PDGFD: variants seen among roughly 807,000 people sequenced by gnomAD.
The protein encoded by PDGFD is platelet derived growth factor D.
PDGFD carries 30 observed loss-of-function variants against 44.7 expected under a neutral mutation model. The ratio of observed to expected loss-of-function variants is 0.67; its 90% CI spans 0.50 to 0.91. The LOEUF (loss-of-function observed/expected upper bound fraction) is 0.91. Ranked by LOEUF, PDGFD falls within the 40% of genes least tolerant of loss-of-function variation. The pLI is 0.00. For synonymous variants in PDGFD, 173 were observed against 168.4 expected (o/e 1.03, Z -0.21); for missense variants, 445 against 457.8 (o/e 0.97, Z 0.25).
chr11:103,986,854 G>A (rs988447203), intron 3 of PDGFD, among the ~76,000 whole-genome samples: 1 of 152,110 alleles, frequency 6.6e-6, no homozygotes, highest in Admixed American at 6.6e-5. Flanking sequence ...ATTGCTCCTC[G>A]GGATAACATC....
chr11:103,982,032 C>T (rs1859279625), intron 3 of PDGFD, among the ~76,000 whole-genome samples: 1 of 151,720 alleles, frequency 6.6e-6, no homozygotes, highest in Admixed American at 6.6e-5. Flanking sequence ...TTCTATTCCA[C>T]AGTTTCCCTA....
At chr11:104,097,816 G>C (rs1591162068) in intron 1 of PDGFD, among the ~76,000 whole-genome samples, 1 of 152,142 alleles carries the variant, frequency 6.6e-6, no homozygotes, top group Non-Finnish European at 1.5e-5. Flanking sequence ...GCTTCGACAT[G>C]TCCTGTCAGT....
chr11:104,151,341 A>C (rs1862242430), intron 1 of PDGFD, among the ~76,000 whole-genome samples: 1 of 152,206 alleles, frequency 6.6e-6, no homozygotes, highest in South Asian at 2.1e-4. Flanking sequence ...CTGGATGCGT[A>C]AATAGTACAA....
At chr11:104,002,735 C>T (rs1411600680) in intron 1 of PDGFD, among the ~76,000 whole-genome samples, 1 of 152,130 alleles carries the variant, frequency 6.6e-6, no homozygotes, top group Non-Finnish European at 1.5e-5. Flanking sequence ...ATTACCCTTA[C>T]AATTTTTGCC....
intron 1 of PDGFD, among the ~76,000 whole-genome samples, chr11:104,106,067 C>T (rs1861468227): frequency 6.6e-6 from 1 of 152,100 alleles, no homozygotes; most frequent in Non-Finnish European, 1.5e-5. Context: ...ACCAGCACCA[C>T]AGGGAGTTTA....
At chr11:104,114,742 C>G (rs1442793758) in intron 1 of PDGFD, among the ~76,000 whole-genome samples, 1 of 151,910 alleles carries the variant, frequency 6.6e-6, no homozygotes, top group Non-Finnish European at 1.5e-5. Context: ...TAGAATATCT[C>G]TCCATTTATT....
intron 1 of PDGFD, among the ~76,000 whole-genome samples, chr11:104,113,966 T>C (rs967630605): frequency 2.0e-5 from 3 of 152,116 alleles, no homozygotes; most frequent in African/African-American, 7.2e-5. Flanking sequence ...TTTTTGAGTG[T>C]TAAGAGTTCT....
At chr11:104,129,700 G>T (rs766896657) in intron 1 of PDGFD, among the ~76,000 whole-genome samples, 1 of 152,060 alleles carries the variant, frequency 6.6e-6, no homozygotes, top group Non-Finnish European at 1.5e-5. Flanking sequence ...CGTGAAACAC[G>T]AAGTCAAGAG....
chr11:104,014,663 C>T (rs1859834889), intron 1 of PDGFD, among the ~76,000 whole-genome samples: 1 of 152,132 alleles, frequency 6.6e-6, no homozygotes, highest in Non-Finnish European at 1.5e-5. Flanking sequence ...TGTGTGCCTA[C>T]ATTGCTAAAA....
chr11:104,107,229 G>A (rs1325017528), intron 1 of PDGFD, among the ~76,000 whole-genome samples: 1 of 152,096 alleles, frequency 6.6e-6, no homozygotes, highest in African/African-American at 2.4e-5. Flanking sequence ...TTTAAAAGAG[G>A]GTCGATCTAT....
chr11:104,075,134 G>A (rs574619774), intron 1 of PDGFD, among the ~76,000 whole-genome samples: 22 of 152,246 alleles, frequency 1.4e-4, no homozygotes, highest in Non-Finnish European at 2.6e-4. Context: ...AATGCAGCTT[G>A]AAAATAGGCT....
At chr11:104,157,368 A>T (rs1016463462) in intron 1 of PDGFD, among the ~76,000 whole-genome samples, 3 of 152,190 alleles carry the variant, frequency 2.0e-5, no homozygotes, top group Non-Finnish European at 4.4e-5. Flanking sequence ...ACTATTCAGG[A>T]ACACTCCACC....
At chr11:103,946,403 C>T (rs573497551) in intron 4 of PDGFD, 11 of 152,302 alleles carry the variant, frequency 7.2e-5, no homozygotes, top group African/African-American at 2.2e-4. Flanking sequence ...AAGGATGAGA[C>T]AATGCCTCTC....
intron 1 of PDGFD, among the ~76,000 whole-genome samples, chr11:104,089,745 G>A (rs931066687): frequency 9.2e-5 from 14 of 152,104 alleles, no homozygotes; most frequent in African/African-American, 2.9e-4. Context: ...ACAAGATGCA[G>A]CCTTCTTAAC....
chr11:104,083,026 T>G (rs894497800), intron 1 of PDGFD, among the ~76,000 whole-genome samples: 2 of 152,182 alleles, frequency 1.3e-5, no homozygotes, highest in African/African-American at 4.8e-5. Context: ...TGCGAAAATC[T>G]TCAAAATCTT....
chr11:104,064,469 G>A (rs1349540519), intron 1 of PDGFD, among the ~76,000 whole-genome samples: 3 of 152,172 alleles, frequency 2.0e-5, no homozygotes, highest in South Asian at 2.1e-4. Context: ...AGGCGGAGAC[G>A]GAATCAGTTA....
At chr11:103,965,672 G>T (rs557991816) in intron 3 of PDGFD, among the ~76,000 whole-genome samples, 1 of 152,162 alleles carries the variant, frequency 6.6e-6, no homozygotes, top group Non-Finnish European at 1.5e-5. Flanking sequence ...TCATGGTCCA[G>T]CTCACAACGT....
At chr11:103,974,485 A>G (rs575685339) in intron 3 of PDGFD, among the ~76,000 whole-genome samples, 14 of 152,238 alleles carry the variant, frequency 9.2e-5, no homozygotes, top group African/African-American at 3.4e-4. Flanking sequence ...TTATATTTTA[A>G]GTTCTAGGAT....
chr11:104,083,682 A>G (rs1861080126), intron 1 of PDGFD, among the ~76,000 whole-genome samples: 1 of 152,312 alleles, frequency 6.6e-6, no homozygotes, highest in Middle Eastern at 3.4e-3. Context: ...GACTGAAAAA[A>G]ATCTTAAAAT....
Sources: gnomAD v4.1 joint callset for allele counts (sites outside exome capture counted in the v4.1 genomes callset) on GRCh38, gnomAD v4.1.1 for gene constraint, MANE v1.5 for transcripts, NCBI Gene and HGNC (gene_info 2026-07-23, HGNC 2026-07-21) for gene names.